Variants in LHFPL3 observed in about 807,000 individuals in gnomAD.
LHFPL3 encodes the protein LHFPL tetraspan subfamily member 3.
A neutral mutation model predicts 19.3 loss-of-function variants in LHFPL3; 5 were observed. That is an observed-to-expected ratio of 0.26 (90% CI 0.14 to 0.54). The LOEUF (loss-of-function observed/expected upper bound fraction) is 0.54. LHFPL3 is among the 20% of genes least tolerant of loss of function. The pLI is 0.94. For synonymous variants in LHFPL3, 133 were observed against 126.2 expected (o/e 1.05, Z -0.36); for missense variants, 249 against 307.4 (o/e 0.81, Z 1.42).
At chr7:104,486,429 G>C (rs992242204) in intron 1 of LHFPL3, among the ~76,000 whole-genome samples, 1 of 152,146 alleles carries the variant, frequency 6.6e-6, no homozygotes, top group African/African-American at 2.4e-5. Context: ...TGATGGCTGG[G>C]AAACCCAGGA....
chr7:104,753,664 A>T (rs1299323060), intron 2 of LHFPL3, among the ~76,000 whole-genome samples: 1 of 152,158 alleles, frequency 6.6e-6, no homozygotes, highest in Non-Finnish European at 1.5e-5. Context: ...TTTCTAGCCA[A>T]TGTATCTAGA....
At chr7:104,350,615 A>G (rs1410294085) in intron 1 of LHFPL3, among the ~76,000 whole-genome samples, 3 of 152,264 alleles carry the variant, frequency 2.0e-5, no homozygotes, top group African/African-American at 7.2e-5. Context: ...TGAACCAAAC[A>G]GATGGGTTCT....
chr7:104,511,872 T>G (rs2115772028), intron 1 of LHFPL3, among the ~76,000 whole-genome samples: 1 of 152,086 alleles, frequency 6.6e-6, no homozygotes, highest in African/African-American at 2.4e-5. Flanking sequence ...AAATTGAGAT[T>G]CTAAGTATGT....
chr7:104,421,073 G>A (rs965241926), intron 1 of LHFPL3, among the ~76,000 whole-genome samples: 3 of 152,162 alleles, frequency 2.0e-5, no homozygotes, highest in Non-Finnish European at 4.4e-5. Flanking sequence ...GGAAACATAA[G>A]GAGACTGGCA....
At position 104,693,525 on chromosome 7, in the gene LHFPL3, G is replaced by C. The variant is rs993954595; in HGVS notation, c.446-43150G>C. ...TTTCCCCCATGCTGTTCTCATGATA[G>C]TGCGTGAGTCCTCACAACATCCGAT... On this transcript the variant is annotated intron_variant, in intron 1 of 2. Transcript: ENST00000424859. Among the ~76,000 whole-genome samples the C allele has an allele frequency of 2.0e-4, 30 of 152,130 alleles. 1 individual carries two copies. Among genetic ancestry groups the C allele is most frequent in the Admixed American group, 2.0e-3 (30 of 15,274 alleles).
At chr7:104,474,598 C>T (rs1366817031) in intron 1 of LHFPL3, among the ~76,000 whole-genome samples, 1 of 146,188 alleles carries the variant, frequency 6.8e-6, no homozygotes, top group Non-Finnish European at 1.5e-5. Context: ...ACCCGGGAGG[C>T]GGAGCTTGCA....
At chr7:104,403,993 G>T (rs1301129833) in intron 1 of LHFPL3, among the ~76,000 whole-genome samples, 2 of 152,184 alleles carry the variant, frequency 1.3e-5, no homozygotes, top group African/African-American at 4.8e-5. Flanking sequence ...TTGGAACACA[G>T]CCATGCTAAT....
chr7:104,844,752 C>T (rs1791281339), intron 2 of LHFPL3, among the ~76,000 whole-genome samples: 1 of 152,062 alleles, frequency 6.6e-6, no homozygotes, highest in Non-Finnish European at 1.5e-5. Flanking sequence ...TCTTTTCTTT[C>T]TTTTTTGAGA....
intron 2 of LHFPL3, among the ~76,000 whole-genome samples, chr7:104,819,472 GT>G (rs1790635987): frequency 6.6e-6 from 1 of 151,152 alleles, no homozygotes; most frequent in Non-Finnish European, 1.5e-5. Flanking sequence ...TCTGACCCTT[GT>G]TTCTGAATTA....
At chr7:104,473,897 C>G (rs113051984) in intron 1 of LHFPL3, among the ~76,000 whole-genome samples, 1 of 152,206 alleles carries the variant, frequency 6.6e-6, no homozygotes, top group African/African-American at 2.4e-5. Flanking sequence ...AAAACATTTA[C>G]TTGGGGATAA....
intron 1 of LHFPL3, among the ~76,000 whole-genome samples, chr7:104,726,193 A>G (rs28491038): frequency 0.36 from 53,947 of 151,914 alleles, 9,897 homozygotes; most frequent in Non-Finnish European, 0.4. Context: ...GACCTCCATG[A>G]ACCTTATTTT....
chr7:104,766,029 CCTG>C (rs1424952746), intron 2 of LHFPL3, among the ~76,000 whole-genome samples: 2 of 152,194 alleles, frequency 1.3e-5, no homozygotes, highest in African/African-American at 4.8e-5. Flanking sequence ...TTTGCTAAAC[CCTG>C]CTGTATGGCT....
intron 1 of LHFPL3, among the ~76,000 whole-genome samples, chr7:104,716,955 A>G (rs1291019789): frequency 6.6e-6 from 1 of 152,230 alleles, no homozygotes; most frequent in Non-Finnish European, 1.5e-5. Flanking sequence ...AAACAGTACC[A>G]TACTGACATA....
At chr7:104,417,970 C>T (rs889835463) in intron 1 of LHFPL3, among the ~76,000 whole-genome samples, 2 of 150,228 alleles carry the variant, frequency 1.3e-5, no homozygotes, top group African/African-American at 4.9e-5. Context: ...GTAGCCTCTG[C>T]CTCCTGGGTT....
intron 2 of LHFPL3, among the ~76,000 whole-genome samples, chr7:104,879,628 G>A (rs1270521909): frequency 6.6e-6 from 1 of 152,178 alleles, no homozygotes; most frequent in Non-Finnish European, 1.5e-5. Context: ...GAGAGGCTGA[G>A]GTAGGAGGAT....
rs150951388 is a variant in LHFPL3 at position 104,593,643 on chromosome 7, A to G, written c.446-143032A>G. 2.7e-3 allele frequency among the ~76,000 whole-genome samples: 417 copies of G among 152,246 alleles called. 4 individuals carry two copies. The highest frequency in any genetic ancestry group is 9.1e-3 in the African/African-American group (378 of 41,536). ...TGTCTAATGTTGACAGTGGGGTGTTAAAGTCTCCCATTATTATTGTTTGGG... is the reference window on the plus strand; with the variant it reads ...TGTCTAATGTTGACAGTGGGGTGTTGAAGTCTCCCATTATTATTGTTTGGG... On this transcript the variant is annotated intron_variant, in intron 1 of 2. Transcript: ENST00000424859.
chr7:104,814,021 G>T (rs1790521825), intron 2 of LHFPL3, among the ~76,000 whole-genome samples: 1 of 152,220 alleles, frequency 6.6e-6, no homozygotes, highest in South Asian at 2.1e-4. Flanking sequence ...CAACCAGAAA[G>T]AATGAGGTAT....
intron 2 of LHFPL3, among the ~76,000 whole-genome samples, chr7:104,782,932 A>T (rs376260697): frequency 2.0e-5 from 3 of 152,260 alleles, no homozygotes; most frequent in Admixed American, 6.5e-5. Context: ...GTGGATGAAC[A>T]CAAGTGCGCA....
intron 2 of LHFPL3, among the ~76,000 whole-genome samples, chr7:104,754,225 A>G (rs1388801998): frequency 6.6e-6 from 1 of 152,208 alleles, no homozygotes; most frequent in African/African-American, 2.4e-5. Flanking sequence ...AGAATGCTTA[A>G]TAAAAAAAAG....
Sources: gnomAD v4.1 joint callset for allele counts (sites outside exome capture counted in the v4.1 genomes callset) on GRCh38, gnomAD v4.1.1 for gene constraint, MANE v1.5 for transcripts, NCBI Gene and HGNC (gene_info 2026-07-23, HGNC 2026-07-21) for gene names.